Variants in ACADSB observed in about 807,000 individuals in gnomAD.
The protein encoded by ACADSB is acyl-CoA dehydrogenase short/branched chain.
Under a neutral mutation model 54.1 loss-of-function variants are expected in ACADSB, and 40 were observed. The ratio of observed to expected loss-of-function variants is 0.74; its 90% CI spans 0.57 to 0.96. The LOEUF is 0.96. Ranked by LOEUF, ACADSB falls within the 40% of genes least tolerant of loss-of-function variation. ACADSB has a pLI of 0.00. For missense variants in ACADSB, 530 were observed against 510.4 expected, an observed-to-expected ratio of 1.04 and a Z score of -0.37; for synonymous variants, 182 against 182.8, an observed-to-expected ratio of 1.00 and a Z score of 0.03.
intron 1 of ACADSB, among the ~76,000 whole-genome samples, chr10:123,022,203 T>C (rs1251223197): frequency 1.3e-5 from 2 of 152,250 alleles, no homozygotes; most frequent in Admixed American, 6.5e-5. Context: ...CTTTGAACTT[T>C]ACCAAAGGTA....
At position 123,024,071 on chromosome 10, in the gene ACADSB, C is replaced by T. The variant is rs192075587; in HGVS notation, c.43-10285C>T. Among the ~76,000 whole-genome samples the T allele has an allele frequency of 4.6e-5, 7 of 152,322 alleles. No individual in the cohort carries two copies. The East Asian group carries it at 1.4e-3, about 29-fold the overall frequency. Reference sequence around the variant, plus strand: ...AGGCAATGGCCTACTATGAGCTTTCCTTTGGTTCCTGGATGTAATCCCCAA... The same window carrying T: ...AGGCAATGGCCTACTATGAGCTTTCTTTTGGTTCCTGGATGTAATCCCCAA... On this transcript the variant is annotated intron_variant, in intron 1 of 10. Transcript: ENST00000358776.
At position 123,040,494 on chromosome 10, in the gene ACADSB, A is replaced by G; in HGVS notation, c.332A>G (p.Tyr111Cys). The G allele has an allele frequency of 1.2e-6, 2 of 1,614,152 alleles. No individual in the cohort carries two copies. Among genetic ancestry groups the G allele is most frequent in the Middle Eastern group, 1.7e-4 (1 of 6,060 alleles). ...ATGGGTATTGAAGTTGACCCAGAAT[A>G]TGGAGGCACAGGAGCTTCATTTTTA... ...GLMGIEVDPE[Y>C]GGTGASFLST... is the part of the protein sequence containing the mutation. Residue 111 changes from tyrosine to cysteine, a missense_variant, in exon 4 of 11, where the codon TAT (tyrosine) becomes TGT (cysteine). Transcript: ENST00000358776.
chr10:123,029,729 G>A (rs892135894), intron 1 of ACADSB, among the ~76,000 whole-genome samples: 1 of 152,066 alleles, frequency 6.6e-6, no homozygotes, highest in African/African-American at 2.4e-5. Flanking sequence ...TTAGTGTTTT[G>A]CCTTTACAAA....
Position 123,045,155 on chromosome 10 carries a change from A to T in ACADSB, c.900+670A>T, listed in dbSNP as rs866654966. On this transcript the variant is annotated intron_variant, in intron 7 of 10. Coordinates refer to ENST00000358776, the MANE Select transcript of ACADSB (RefSeq NM_001609.4). ...TGTATATATATATATATATATATATATATATATATATATATATTTTTTTTT... is the reference window on the plus strand; with the variant it reads ...TGTATATATATATATATATATATATTTATATATATATATATATTTTTTTTT... 1.4e-3 allele frequency among the ~76,000 whole-genome samples: 15 copies of T among 11,044 alleles called. 1 individual carries two copies. Among genetic ancestry groups the T allele is most frequent in the African/African-American group, 2.4e-3 (6 of 2,520 alleles). 7.2% of individuals were successfully genotyped at this position (11,044 alleles called of 152,430 possible).
chr10:123,025,489 A>AT (rs1850239688), intron 1 of ACADSB, among the ~76,000 whole-genome samples: 1 of 151,916 alleles, frequency 6.6e-6, no homozygotes, highest in Non-Finnish European at 1.5e-5. Flanking sequence ...AAATAAATAA[A>AT]TAAAATAATG....
Position 123,051,076 on chromosome 10 carries a change from G to A in ACADSB, c.1018G>A (p.Ala340Thr). 3 of 1,612,216 alleles carry A rather than the reference G, an allele frequency of 1.9e-6. No homozygotes were observed. Among genetic ancestry groups the A allele is most frequent in the Non-Finnish European group, 8.5e-7 (1 of 1,179,780 alleles). The change falls in exon 9 of 11, where the codon GCC becomes ACC. Residue 340 changes from alanine (A) to threonine (T), a missense_variant. Coordinates refer to ENST00000358776, the MANE Select transcript of ACADSB (RefSeq NM_001609.4). Reference sequence around the variant, plus strand: ...CCTCCAACACCAAGTGGCTCACGTGGCCACCCAGCTGGAAGCTGCAAGATT... The same window carrying A: ...CCTCCAACACCAAGTGGCTCACGTGACCACCCAGCTGGAAGCTGCAAGATT... ...QGLQHQVAHV[A>T]TQLEAARLLT...
At chr10:123,015,308 C>T (rs1040090233) in intron 1 of ACADSB, among the ~76,000 whole-genome samples, 14 of 152,232 alleles carry the variant, frequency 9.2e-5, no homozygotes, top group Admixed American at 7.2e-4. Context: ...TCTCCTTTCT[C>T]TCGGGATCCT....
At chr10:123,019,731 G>T (rs1850158328) in intron 1 of ACADSB, among the ~76,000 whole-genome samples, 1 of 152,172 alleles carries the variant, frequency 6.6e-6, no homozygotes, top group South Asian at 2.1e-4. Flanking sequence ...ATGTATATGT[G>T]TGTGTAGGAC....
intron 1 of ACADSB, among the ~76,000 whole-genome samples, chr10:123,014,130 A>T (rs942955122): frequency 6.6e-6 from 1 of 152,008 alleles, no homozygotes. Context: ...TTAAAGGACA[A>T]CTTTGGCCTT....
At chr10:123,011,519 C>T (rs4633392) in intron 1 of ACADSB, among the ~76,000 whole-genome samples, 3 of 150,576 alleles carry the variant, frequency 2.0e-5, no homozygotes, top group Non-Finnish European at 3.0e-5. Context: ...TTTAATGTAG[C>T]TTGATATCTT....
chr10:123,043,414 A>G (rs1850503046), intron 6 of ACADSB, among the ~76,000 whole-genome samples: 1 of 152,230 alleles, frequency 6.6e-6, no homozygotes, highest in Non-Finnish European at 1.5e-5. Context: ...CATCCCATTT[A>G]TGTTTTATAA....
rs1440674404 is a variant in ACADSB, at chr10:123,056,806, T to C, written c.*3041T>C. The C allele has an allele frequency of 6.6e-6, 1 of 152,532 alleles. No homozygotes were observed. Among genetic ancestry groups the C allele is most frequent in the Non-Finnish European group, 1.5e-5 (1 of 68,028 alleles). The allele number at this position is 152,532 out of a possible 1,614,324, so 9.4% of individuals were successfully genotyped here. On this transcript the variant is annotated 3_prime_UTR_variant, in exon 11 of 11. Coordinates refer to ENST00000358776, the MANE Select transcript of ACADSB (RefSeq NM_001609.4). ...TTCCAGAGTAATTTTGTTTTGCACA[T>C]TCATGTTTATTGAAGTGGACTAATT...
chr10:123,018,982 A>G (rs1237770767), intron 1 of ACADSB, among the ~76,000 whole-genome samples: 1 of 152,202 alleles, frequency 6.6e-6, no homozygotes, highest in Non-Finnish European at 1.5e-5. Flanking sequence ...GGTATGAACA[A>G]TTTGGCTTAG....
intron 4 of ACADSB, 107 bp from the exon 5 acceptor site, chr10:123,041,097 TTAAAA>T: frequency 8.2e-7 from 1 of 1,218,306 alleles, no homozygotes; most frequent in Non-Finnish European, 1.2e-6. Context: ...TATAGGCTTT[TTAAAA>T]AAGCAGCTAA....
At chr10:123,051,866 C>G (rs1850637691) in intron 9 of ACADSB, among the ~76,000 whole-genome samples, 2 of 152,188 alleles carry the variant, frequency 1.3e-5, no homozygotes, top group African/African-American at 4.8e-5. Context: ...TTCTGCTTCA[C>G]CATCAGAACC....
At chr10:123,019,302 T>G (rs1002715171) in intron 1 of ACADSB, among the ~76,000 whole-genome samples, 2 of 152,222 alleles carry the variant, frequency 1.3e-5, no homozygotes, top group African/African-American at 4.8e-5. Flanking sequence ...ACTGTCAACC[T>G]AAATAACAGA....
intron 8 of ACADSB, among the ~76,000 whole-genome samples, chr10:123,048,984 G>A (rs937118231): frequency 3.9e-5 from 6 of 152,142 alleles, no homozygotes; most frequent in African/African-American, 1.2e-4. Flanking sequence ...CCAAAGTGCT[G>A]GGATTACAGG....
chr10:123,031,043 C>A (rs1850320352), intron 1 of ACADSB, among the ~76,000 whole-genome samples: 1 of 152,152 alleles, frequency 6.6e-6, no homozygotes, highest in Admixed American at 6.6e-5. Context: ...TAGTTCTATT[C>A]ACAGATAACT....
At chr10:123,010,795 T>C (rs1850023149) in intron 1 of ACADSB, among the ~76,000 whole-genome samples, 3 of 152,244 alleles carry the variant, frequency 2.0e-5, no homozygotes, top group Non-Finnish European at 4.4e-5. Context: ...AATAAAATAC[T>C]CTACCTCCAA....
Sources: allele counts gnomAD v4.1 joint callset (sites outside exome capture counted in the v4.1 genomes callset), GRCh38; gene constraint gnomAD v4.1.1; transcripts MANE v1.5; gene names NCBI Gene and HGNC (gene_info 2026-07-23, HGNC 2026-07-21).